The following BRINP2 variants were observed in gnomAD, a reference collection of about 807,000 sequenced individuals.
BRINP2 encodes BMP/retinoic acid-inducible neural-specific protein 2.
BRINP2 carries 21 observed loss-of-function variants against 69.2 expected under a neutral mutation model. The observed-to-expected ratio is 0.30, with a 90% CI of 0.22 to 0.44. BRINP2 has a LOEUF of 0.44. Among genes scored for constraint, BRINP2 ranks in the 20% least tolerant of loss-of-function variants. The pLI, the probability that BRINP2 is intolerant of heterozygous loss-of-function variation, is 1.00. For synonymous variants in BRINP2, 380 were observed against 394.1 expected (o/e 0.96, Z 0.42); for missense variants, 877 against 986.0 (o/e 0.89, Z 1.48).
chr1:177,247,751 G>A (rs1650429709), intron 2 of BRINP2, among the ~76,000 whole-genome samples: 1 of 152,240 alleles, frequency 6.6e-6, no homozygotes, highest in Non-Finnish European at 1.5e-5. Context: ...TTCCGTGGCT[G>A]CCTTAAGACT....
intron 4 of BRINP2, among the ~76,000 whole-genome samples, chr1:177,260,757 ATTGT>A (rs1422288690): frequency 7.9e-5 from 12 of 152,336 alleles, no homozygotes; most frequent in African/African-American, 2.9e-4. Context: ...AGGTATGTAC[ATTGT>A]TTGTTCAGAC....
At chr1:177,217,961 C>T (rs1269555294) in intron 1 of BRINP2, among the ~76,000 whole-genome samples, 1 of 152,088 alleles carries the variant, frequency 6.6e-6, no homozygotes, top group Non-Finnish European at 1.5e-5. Context: ...CAGAAGAGGC[C>T]CCAAAGTTAA....
chr1:177,236,576 G>T (rs1389556643), intron 2 of BRINP2, among the ~76,000 whole-genome samples: 5 of 152,188 alleles, frequency 3.3e-5, no homozygotes, highest in African/African-American at 1.2e-4. Context: ...CAGGGTTCTT[G>T]ATCTGATGGC....
At chr1:177,261,125 C>T (rs183866187) in intron 4 of BRINP2, among the ~76,000 whole-genome samples, 405 of 151,700 alleles carry the variant, frequency 2.7e-3, no homozygotes, top group African/African-American at 9.2e-3. Context: ...AGTGGCAGGG[C>T]AGTGTACTTT....
chr1:177,273,869 A>C (rs1345971741), intron 5 of BRINP2, among the ~76,000 whole-genome samples: 2 of 152,064 alleles, frequency 1.3e-5, no homozygotes, highest in Non-Finnish European at 2.9e-5. Flanking sequence ...CCTCTGTCAC[A>C]ATCCTATAAG....
intron 3 of BRINP2, 162 bp downstream of exon 3, chr1:177,256,271 C>T: frequency 7.2e-6 from 7 of 974,462 alleles, no homozygotes; most frequent in Non-Finnish European, 8.5e-6. Context: ...CTTGACATCT[C>T]AATTTACCCC....
intron 1 of BRINP2, among the ~76,000 whole-genome samples, chr1:177,200,958 G>A (rs906674679): frequency 3.9e-5 from 6 of 152,212 alleles, no homozygotes; most frequent in African/African-American, 9.6e-5. Context: ...ACCAAATACC[G>A]TATGTTCTCA....
intron 1 of BRINP2, among the ~76,000 whole-genome samples, chr1:177,223,255 C>T (rs554896476): frequency 1.3e-5 from 2 of 152,128 alleles, no homozygotes; most frequent in Non-Finnish European, 2.9e-5. Context: ...CTGGTTATCA[C>T]ACAGAGAGAC....
At chr1:177,263,367 G>A (rs1216830323) in intron 4 of BRINP2, among the ~76,000 whole-genome samples, 1 of 152,210 alleles carries the variant, frequency 6.6e-6, no homozygotes, top group Non-Finnish European at 1.5e-5. Context: ...AGGACAGGTA[G>A]TGGGTGCTAA....
intron 1 of BRINP2, among the ~76,000 whole-genome samples, chr1:177,218,417 G>C (rs185850513): frequency 6.6e-6 from 1 of 152,278 alleles, no homozygotes; most frequent in Non-Finnish European, 1.5e-5. Flanking sequence ...AGCACGACTA[G>C]TGGCAGGTGC....
chr1:177,196,545 G>A (rs1010060709), intron 1 of BRINP2, among the ~76,000 whole-genome samples: 1 of 151,902 alleles, frequency 6.6e-6, no homozygotes, highest in African/African-American at 2.4e-5. Flanking sequence ...TTGAACCCGG[G>A]AGTCAGAGGT....
chr1:177,185,347 C>CCAAA (rs1340470431), intron 1 of BRINP2, among the ~76,000 whole-genome samples: 2 of 152,072 alleles, frequency 1.3e-5, no homozygotes, highest in Admixed American at 6.5e-5. Context: ...GATCTTATTA[C>CCAAA]CAAACACCTA....
intron 1 of BRINP2, among the ~76,000 whole-genome samples, chr1:177,173,040 C>T (rs1001457283): frequency 3.9e-5 from 6 of 152,106 alleles, no homozygotes; most frequent in African/African-American, 7.2e-5. Flanking sequence ...CCAAATCCCC[C>T]GGGGGGCAGT....
chr1:177,258,063 C>T (rs1010756334), intron 4 of BRINP2, among the ~76,000 whole-genome samples: 1 of 152,160 alleles, frequency 6.6e-6, no homozygotes, highest in Non-Finnish European at 1.5e-5. Context: ...CAGTGAAAAA[C>T]CACTGGAAAG....
chr1:177,199,848 T>G (rs546482971), intron 1 of BRINP2, among the ~76,000 whole-genome samples: 1 of 152,354 alleles, frequency 6.6e-6, no homozygotes, highest in African/African-American at 2.4e-5. Context: ...CAGATATTCA[T>G]GGCTCTATGT....
At chr1:177,232,180 T>A (rs1649877846) in intron 2 of BRINP2, among the ~76,000 whole-genome samples, 1 of 152,176 alleles carries the variant, frequency 6.6e-6, no homozygotes, top group African/African-American at 2.4e-5. Flanking sequence ...ACTCTCCACT[T>A]CAAGGAGCTG....
At chr1:177,277,930 A>T (rs2102363925) in intron 6 of BRINP2, among the ~76,000 whole-genome samples, 1 of 152,280 alleles carries the variant, frequency 6.6e-6, no homozygotes, top group East Asian at 1.9e-4. Flanking sequence ...AGGAGCTTAG[A>T]AGCAGAAGGC....
chr1:177,236,661 C>A (rs914667549), intron 2 of BRINP2, among the ~76,000 whole-genome samples: 2 of 152,122 alleles, frequency 1.3e-5, no homozygotes, highest in African/African-American at 4.8e-5. Flanking sequence ...AAAGGTAACA[C>A]ATAGGCAAAA....
At chr1:177,227,982 T>C (rs1000617067) in intron 1 of BRINP2, among the ~76,000 whole-genome samples, 3 of 152,244 alleles carry the variant, frequency 2.0e-5, no homozygotes, top group African/African-American at 7.2e-5. Context: ...AGCGAGGTTC[T>C]GTCTTACCGC....
Sources: allele counts gnomAD v4.1 joint callset (sites outside exome capture counted in the v4.1 genomes callset), GRCh38; gene constraint gnomAD v4.1.1; transcripts MANE v1.5; gene names NCBI Gene and HGNC (gene_info 2026-07-23, HGNC 2026-07-21).